Variants in GRIK3 observed in about 807,000 individuals in gnomAD.
GRIK3 encodes the protein glutamate receptor ionotropic, kainate 3.
Under a neutral mutation model 102.5 loss-of-function variants are expected in GRIK3, and 29 were observed. The observed-to-expected ratio is 0.28, with a 90% CI of 0.21 to 0.39. The LOEUF (loss-of-function observed/expected upper bound fraction) is 0.39, where lower values mean the gene tolerates loss of function less well. Ranked by LOEUF, GRIK3 falls within the 10% of genes least tolerant of loss-of-function variation. The probability of loss-of-function intolerance (pLI) is 1.00; values close to 1 mark genes in which losing one functional copy is unlikely to be tolerated. For synonymous variants in GRIK3, 511 were observed against 504.9 expected (o/e 1.01, Z -0.16); for missense variants, 908 against 1,252.4 (o/e 0.73, Z 4.15).
intron 1 of GRIK3, among the ~76,000 whole-genome samples, chr1:36,935,340 C>T (rs1205434644): frequency 6.6e-6 from 1 of 152,162 alleles, no homozygotes; most frequent in African/African-American, 2.4e-5. Context: ...TACCCATATA[C>T]CCAGGTAGAA....
chr1:36,888,963 G>C (rs1290678607), intron 2 of GRIK3, among the ~76,000 whole-genome samples: 1 of 152,050 alleles, frequency 6.6e-6, no homozygotes. Context: ...TCGTTAAGTG[G>C]GTTTGACACA....
chr1:36,987,282 C>T (rs573874577), intron 1 of GRIK3, among the ~76,000 whole-genome samples: 64 of 151,554 alleles, frequency 4.2e-4, no homozygotes, highest in Non-Finnish European at 8.2e-4. Context: ...CAGCAGAGCT[C>T]CCCTGGCAGC....
rs533589643 is a variant in GRIK3 at position 36,872,634 on chromosome 1, T to C, written c.551-265A>G. Among the ~76,000 whole-genome samples, 1 of 152,360 alleles carries C rather than the reference T, an allele frequency of 6.6e-6. No individual in the cohort carries two copies. The highest frequency in any genetic ancestry group is 1.9e-4 in the East Asian group (1 of 5,186). Reference sequence around the variant, plus strand: ...TTGGGCTTATCAACACGTGTGTATATGTAGATTAAGGCCTGTGCACACAGT... The same window carrying C: ...TTGGGCTTATCAACACGTGTGTATACGTAGATTAAGGCCTGTGCACACAGT... On this transcript the variant is annotated intron_variant, in intron 3 of 15. Transcript: ENST00000373091. The surrounding 1 kb of genome is among the most constrained non-coding windows in gnomAD (Gnocchi z 5.9).
intron 11 of GRIK3, among the ~76,000 whole-genome samples, chr1:36,824,171 G>C (rs1217597085): frequency 6.6e-6 from 1 of 152,152 alleles, no homozygotes; most frequent in African/African-American, 2.4e-5. Flanking sequence ...CTGGAGGCAG[G>C]GTGGGAAGAA....
chr1:37,014,110 C>A (rs536469669), intron 1 of GRIK3, among the ~76,000 whole-genome samples: 1 of 152,370 alleles, frequency 6.6e-6, no homozygotes, highest in Non-Finnish European at 1.5e-5. Flanking sequence ...TCCAGAGAGG[C>A]CCTTCCTACT....
chr1:36,823,592 G>A lies in GRIK3; in HGVS notation c.1754+2011C>T, dbSNP rs141896258. 2.6e-5 allele frequency among the ~76,000 whole-genome samples: 4 copies of A among 151,616 alleles called. No homozygotes were observed. In the East Asian group the frequency reaches 5.8e-4, roughly 22 times the overall value. On this transcript the variant is annotated intron_variant, in intron 11 of 15. Transcript: ENST00000373091. ...ATCATGAGCTCTGCAACACTGGCCC[G>A]GCATCTCTGCCTGGTACAACCTGTT...
At chr1:37,032,115 C>A (rs1642834119) in intron 1 of GRIK3, among the ~76,000 whole-genome samples, 1 of 152,190 alleles carries the variant, frequency 6.6e-6, no homozygotes, top group Admixed American at 6.5e-5. Flanking sequence ...TTATTACACG[C>A]TGAACCCAAG....
chr1:37,027,660 G>C (rs1183175284), intron 1 of GRIK3, among the ~76,000 whole-genome samples: 1 of 152,154 alleles, frequency 6.6e-6, no homozygotes, highest in African/African-American at 2.4e-5. Flanking sequence ...TAACCCAATG[G>C]GCAGTATCAT....
chr1:36,891,769 G>A (rs993383867), intron 1 of GRIK3, among the ~76,000 whole-genome samples: 7 of 152,150 alleles, frequency 4.6e-5, no homozygotes, highest in African/African-American at 1.7e-4. Flanking sequence ...CACAACATTT[G>A]TAAAGAAAGA....
intron 1 of GRIK3, among the ~76,000 whole-genome samples, chr1:36,912,286 C>T (rs1180727524): frequency 2.0e-5 from 3 of 152,148 alleles, no homozygotes; most frequent in Admixed American, 1.3e-4. Flanking sequence ...GGCAAAGGCG[C>T]GGATTTGGCC....
At chr1:36,804,964 A>G (rs1436945860) in intron 15 of GRIK3, 23 bp downstream of exon 15, 1 of 1,613,030 alleles carries the variant, frequency 6.2e-7, no homozygotes, top group Admixed American at 1.7e-5. Flanking sequence ...CATCCTGTGC[A>G]GGCTCCAAGC....
At chr1:37,008,133 T>C (rs1642551903) in intron 1 of GRIK3, among the ~76,000 whole-genome samples, 1 of 152,210 alleles carries the variant, frequency 6.6e-6, no homozygotes. Flanking sequence ...TGAGAGGCTT[T>C]GCCTGCCACT....
rs556631788 is a variant in GRIK3, at chr1:37,020,558, G to A, written c.115+13436C>T. ...ACATTTGACAATGGAATGCTCACTC[G>A]TTTTGTCATCTGCTGCTGCTCCCTA... is the stretch of plus-strand genomic sequence containing the variant. On this transcript the variant is annotated intron_variant, in intron 1 of 15. Coordinates refer to ENST00000373091, the MANE Select transcript of GRIK3 (RefSeq NM_000831.4). Among the ~76,000 whole-genome samples the A allele has an allele frequency of 6.6e-5, 10 of 152,050 alleles. No individual in the cohort carries two copies. In the South Asian group the frequency reaches 1.2e-3, roughly 19 times the overall value.
At chr1:36,983,988 A>C (rs902913274) in intron 1 of GRIK3, among the ~76,000 whole-genome samples, 1 of 152,188 alleles carries the variant, frequency 6.6e-6, no homozygotes, top group Non-Finnish European at 1.5e-5. Context: ...GACACAGAGC[A>C]GCACCCAATA....
chr1:36,810,321 C>T (rs759531511), intron 13 of GRIK3, among the ~76,000 whole-genome samples: 3 of 152,190 alleles, frequency 2.0e-5, no homozygotes, highest in South Asian at 4.1e-4. Flanking sequence ...CCTGTCCCGG[C>T]CCTGGTTGGA....
At chr1:36,826,862 T>G (rs993680500) in intron 10 of GRIK3, among the ~76,000 whole-genome samples, 4 of 152,084 alleles carry the variant, frequency 2.6e-5, no homozygotes, top group Non-Finnish European at 5.9e-5. Flanking sequence ...TCTGAGATTT[T>G]CCTGATTAAA....
At chr1:36,979,287 C>G (rs188744378) in intron 1 of GRIK3, among the ~76,000 whole-genome samples, 4 of 152,376 alleles carry the variant, frequency 2.6e-5, no homozygotes, top group African/African-American at 9.6e-5. Flanking sequence ...GGACCAATGG[C>G]ATGTGCCAAT....
At chr1:36,815,180 A>C (rs894857287) in intron 13 of GRIK3, among the ~76,000 whole-genome samples, 5 of 152,180 alleles carry the variant, frequency 3.3e-5, no homozygotes, top group Non-Finnish European at 7.4e-5. Context: ...CTCTAAATAC[A>C]CAGCAGTGAC....
At chr1:36,951,565 G>A (rs1641844451) in intron 1 of GRIK3, among the ~76,000 whole-genome samples, 1 of 152,248 alleles carries the variant, frequency 6.6e-6, no homozygotes, top group Non-Finnish European at 1.5e-5. Context: ...CTGGTCGCAT[G>A]CAGATTAATG....
Sources: allele counts gnomAD v4.1 joint callset (sites outside exome capture counted in the v4.1 genomes callset), GRCh38; gene constraint gnomAD v4.1.1; non-coding constraint Gnocchi (gnomAD v3.1); transcripts MANE v1.5; gene names NCBI Gene and HGNC (gene_info 2026-07-23, HGNC 2026-07-21).